The following ELAVL2 variants were observed in gnomAD, a reference collection of about 807,000 sequenced individuals.
ELAVL2 encodes ELAV-like protein 2.
A neutral mutation model predicts 34.6 loss-of-function variants in ELAVL2; 4 were observed. The observed-to-expected ratio is 0.12, with a 90% CI of 0.06 to 0.26. The LOEUF is 0.26. Among genes scored for constraint, ELAVL2 ranks in the 10% least tolerant of loss-of-function variants. The pLI is 1.00. For missense variants in ELAVL2, 432 were observed against 442.8 expected (o/e 0.98, Z 0.22); for synonymous variants, 193 against 154.8 (o/e 1.25, Z -1.83).
intron 1 of ELAVL2, among the ~76,000 whole-genome samples, chr9:23,772,740 A>G (rs2057528087): frequency 1.3e-5 from 2 of 152,136 alleles, no homozygotes; most frequent in African/African-American, 4.8e-5. Context: ...TGAACTGTGG[A>G]TCATCTCAAT....
At chr9:23,797,774 C>A (rs1026674150) in intron 1 of ELAVL2, among the ~76,000 whole-genome samples, 2 of 151,914 alleles carry the variant, frequency 1.3e-5, no homozygotes, top group Non-Finnish European at 2.9e-5. Flanking sequence ...GCTAAAAATA[C>A]AAAATTAGGT....
intron 1 of ELAVL2, among the ~76,000 whole-genome samples, chr9:23,786,802 A>AAAAAAAAAAAAAAAAAAAAAC (rs1554747169): frequency 7.1e-5 from 9 of 127,338 alleles, no homozygotes; most frequent in Admixed American, 1.6e-4. Flanking sequence ...AAAAAAAAAA[A>AAAAAAAAAAAAAAAAAAAAAC]AGAGAGAGAG....
intron 2 of ELAVL2, among the ~76,000 whole-genome samples, chr9:23,746,733 G>T (rs1218732105): frequency 2.0e-5 from 3 of 149,502 alleles, no homozygotes; most frequent in Non-Finnish European, 3.0e-5. Context: ...CCCCAATACA[G>T]AAGGACCCTA....
intron 2 of ELAVL2, 126 bp from the exon 3 acceptor site, chr9:23,731,251 C>T (rs1222428894): frequency 4.5e-6 from 3 of 663,542 alleles, no homozygotes; most frequent in African/African-American, 3.7e-5. Context: ...AAAGAACTCT[C>T]TATTAATTCT....
chr9:23,775,895 C>T lies in ELAVL2; in HGVS notation c.-15-13646G>A, dbSNP rs144491994. Among the ~76,000 whole-genome samples, 487 of 152,296 alleles carry T rather than the reference C, an allele frequency of 3.2e-3. 3 individuals carry two copies. The highest frequency in any genetic ancestry group is 5.1e-3 in the Admixed American group (78 of 15,286). ...GAGAGCAGACAAACCTCGAGGAAGC[C>T]TTCTGTGAACCACTCAGTTGGACCA... is the stretch of plus-strand genomic sequence containing the variant. On this transcript the variant is annotated intron_variant, in intron 1 of 6. Transcript: ENST00000397312.
intron 1 of ELAVL2, chr9:23,821,873 C>T (rs1431545268): frequency 6.6e-6 from 1 of 151,310 alleles, no homozygotes; most frequent in Non-Finnish European, 1.5e-5. Flanking sequence ...GAGGGGCTTG[C>T]TTGGAAGAGC....
intron 1 of ELAVL2, among the ~76,000 whole-genome samples, chr9:23,817,649 T>TG (rs2063902529): frequency 6.6e-6 from 1 of 152,170 alleles, no homozygotes; most frequent in Non-Finnish European, 1.5e-5. Context: ...TTTTGCACAA[T>TG]GGAATACAAG....
chr9:23,758,706 T>C (rs2135889213), intron 2 of ELAVL2, among the ~76,000 whole-genome samples: 1 of 152,226 alleles, frequency 6.6e-6, no homozygotes, highest in Admixed American at 6.5e-5. Context: ...AGATACTCAC[T>C]CTTCCCACAG....
At chr9:23,694,310 G>C (rs186825719) in intron 5 of ELAVL2, among the ~76,000 whole-genome samples, 119 of 151,364 alleles carry the variant, frequency 7.9e-4, no homozygotes, top group African/African-American at 2.8e-3. Flanking sequence ...GGAGGTGTAA[G>C]TACTCTTTAA....
At chr9:23,820,240 C>A (rs1460687463) in intron 1 of ELAVL2, among the ~76,000 whole-genome samples, 1 of 152,146 alleles carries the variant, frequency 6.6e-6, no homozygotes, top group Non-Finnish European at 1.5e-5. Flanking sequence ...AATTGATATT[C>A]GAATGGTTTT....
chr9:23,696,190 C>T (rs550984731), intron 5 of ELAVL2, among the ~76,000 whole-genome samples: 7 of 151,960 alleles, frequency 4.6e-5, no homozygotes, highest in South Asian at 2.1e-4. Flanking sequence ...GAAAACAGTG[C>T]CCAGGCACTG....
chr9:23,734,627 A>C (rs1041561336), intron 2 of ELAVL2, among the ~76,000 whole-genome samples: 1 of 152,140 alleles, frequency 6.6e-6, no homozygotes, highest in Non-Finnish European at 1.5e-5. Flanking sequence ...TTACCGCAAA[A>C]GTTGTTTCTT....
chr9:23,756,759 A>G (rs778526091), intron 2 of ELAVL2, among the ~76,000 whole-genome samples: 2 of 152,212 alleles, frequency 1.3e-5, no homozygotes, highest in South Asian at 2.1e-4. Context: ...CACCTCTTCC[A>G]TAACGCCCTA....
At chr9:23,847,582 C>T in the ELAVL2 span, among the ~76,000 whole-genome samples, 3 of 151,724 alleles carry the variant, frequency 2.0e-5, no homozygotes, top group Non-Finnish European at 4.4e-5. Flanking sequence ...TTCCAATGTG[C>T]CAATAACATA....
At chr9:23,781,528 T>TTG (rs997807488) in intron 1 of ELAVL2, among the ~76,000 whole-genome samples, 1 of 151,082 alleles carries the variant, frequency 6.6e-6, no homozygotes, top group African/African-American at 2.4e-5. Context: ...CTTTTTTTTT[T>TTG]TTTTTTGAAG....
Position 23,728,893 on chromosome 9 carries a change from TA to T in ELAVL2, c.333+2128del, listed in dbSNP as rs796654190. On this transcript the variant is annotated intron_variant, in intron 3 of 6. Transcript: ENST00000397312. ...ATCTGATATTTTTACAGGAACCAAA[TA>T]GGGGCGGGGAAAGAAGTAGCCTGCT... is the stretch of plus-strand genomic sequence containing the variant. Among the ~76,000 whole-genome samples, 22 of 152,194 alleles carry T rather than the reference TA, an allele frequency of 1.4e-4. 1 individual carries two copies. Among genetic ancestry groups the T allele is most frequent in the African/African-American group, 5.3e-4 (22 of 41,534 alleles).
chr9:23,763,714 G>A (rs1352856862), intron 1 of ELAVL2, among the ~76,000 whole-genome samples: 1 of 152,076 alleles, frequency 6.6e-6, no homozygotes, highest in Non-Finnish European at 1.5e-5. Flanking sequence ...ACAAAAGAAG[G>A]CAGTGTTGGA....
intron 1 of ELAVL2, among the ~76,000 whole-genome samples, chr9:23,770,960 C>G (rs982911944): frequency 1.3e-5 from 2 of 152,078 alleles, no homozygotes; most frequent in Non-Finnish European, 2.9e-5. Flanking sequence ...GGAGATGAGT[C>G]TAAGAGGTAA....
At chr9:23,826,771 CCT>C (rs751528149), upstream of ELAVL2, among the ~76,000 whole-genome samples, 1 of 152,088 alleles carries the variant, frequency 6.6e-6, no homozygotes, top group African/African-American at 2.4e-5. Context: ...TTGAGAGCTC[CCT>C]CTCTTTGATC....
Sources: gnomAD v4.1 joint callset for allele counts (sites outside exome capture counted in the v4.1 genomes callset) on GRCh38, gnomAD v4.1.1 for gene constraint, MANE v1.5 for transcripts, NCBI Gene and HGNC (gene_info 2026-07-23, HGNC 2026-07-21) for gene names.